The following MALRD1 variants were observed in gnomAD, a reference collection of about 807,000 sequenced individuals.
The protein encoded by MALRD1 is MAM and LDL-receptor class A domain-containing protein 1.
MALRD1 carries 247 observed loss-of-function variants against 242.1 expected under a neutral mutation model. The observed-to-expected ratio is 1.02, with a 90% CI of 0.92 to 1.13. The LOEUF (loss-of-function observed/expected upper bound fraction) is 1.13. Among genes scored for constraint, MALRD1 ranks in the 50% most tolerant of loss-of-function variants. The pLI is 0.00. For synonymous variants in MALRD1, 995 were observed against 866.6 expected (o/e 1.15, Z -2.60); for missense variants, 2,989 against 2,533.1 (o/e 1.18, Z -3.86).
In MALRD1 at chr10:19,348,027, A is replaced by G; in HGVS notation, c.4149+9A>G. ...GAAGCAAAAACTGCAAGGTATGGGG[A>G]AAATCGAACCAACCAACCAAACAAA... On this transcript the variant is annotated intron_variant, in intron 25 of 39. Coordinates refer to ENST00000454679, the MANE Select transcript of MALRD1 (RefSeq NM_001142308.3). The G allele has an allele frequency of 6.5e-7, 1 of 1,547,344 alleles. No homozygotes were observed. Among genetic ancestry groups the G allele is most frequent in the Non-Finnish European group, 8.7e-7 (1 of 1,145,100 alleles).
At chr10:19,556,262 G>C (rs1367176805) in intron 32 of MALRD1, among the ~76,000 whole-genome samples, 2 of 152,008 alleles carry the variant, frequency 1.3e-5, no homozygotes, top group Non-Finnish European at 2.9e-5. Flanking sequence ...TGGAACATTA[G>C]TTACAATTGA....
rs1554823253 is a variant in MALRD1, at chr10:19,270,838, A to ACACACG, written c.3080-9203_3080-9198dup. On this transcript the variant is annotated intron_variant, in intron 19 of 39. Coordinates refer to ENST00000454679, the MANE Select transcript of MALRD1 (RefSeq NM_001142308.3). ...CACACACACACACACACACACACAC[A>ACACACG]CACACGCACACACAAAATAATATTA... 1.7e-3 allele frequency among the ~76,000 whole-genome samples: 253 copies of ACACACG among 151,612 alleles called. 3 individuals are homozygous for ACACACG. In the South Asian group the frequency reaches 0.02, roughly 12 times the overall value.
chr10:19,409,203 C>A (rs11009797), intron 28 of MALRD1, among the ~76,000 whole-genome samples: 5,404 of 152,244 alleles, frequency 0.035, 127 homozygotes, highest in Non-Finnish European at 0.052. Context: ...ACTAAAAAAT[C>A]AGATTGACTG....
chr10:19,228,999 T>A (rs1247808113), intron 18 of MALRD1, among the ~76,000 whole-genome samples: 1 of 152,048 alleles, frequency 6.6e-6, no homozygotes, highest in Non-Finnish European at 1.5e-5. Context: ...TGTGTGTGTG[T>A]GTGTAAGTGT....
At chr10:19,575,882 T>A (rs1475296341) in intron 33 of MALRD1, among the ~76,000 whole-genome samples, 5 of 152,152 alleles carry the variant, frequency 3.3e-5, no homozygotes, top group Non-Finnish European at 7.4e-5. Flanking sequence ...TATATCTAAT[T>A]TACTCACACA....
chr10:19,183,077 GCAAACGACCTCCAGTTCT>G (rs1325727355), intron 14 of MALRD1, among the ~76,000 whole-genome samples: 2 of 148,742 alleles, frequency 1.3e-5, no homozygotes, highest in East Asian at 3.9e-4. Flanking sequence ...TAGAAAATTA[GCAAACGACCTCCAGTTCT>G]CTAAAGTCTT....
At chr10:19,654,166 A>G (rs1272447109) in intron 36 of MALRD1, among the ~76,000 whole-genome samples, 4 of 152,220 alleles carry the variant, frequency 2.6e-5, no homozygotes, top group Non-Finnish European at 5.9e-5. Context: ...AAGCACTGCC[A>G]TCTACCTGGC....
chr10:19,101,316 G>T (rs1042449484), intron 4 of MALRD1, among the ~76,000 whole-genome samples: 25 of 143,670 alleles, frequency 1.7e-4, no homozygotes, highest in Non-Finnish European at 3.2e-4. Flanking sequence ...ATTATAAATA[G>T]ATATTTTGAA....
At chr10:19,186,514 C>G (rs1251606902) in intron 14 of MALRD1, among the ~76,000 whole-genome samples, 4 of 152,172 alleles carry the variant, frequency 2.6e-5, no homozygotes, top group Admixed American at 6.5e-5. Context: ...TAGGAGAATT[C>G]AGGATAGTAG....
At chr10:19,684,641 G>C (rs981419614) in intron 36 of MALRD1, among the ~76,000 whole-genome samples, 2 of 152,118 alleles carry the variant, frequency 1.3e-5, no homozygotes, top group Non-Finnish European at 2.9e-5. Context: ...AGTCTCAGCT[G>C]CTCAGAAGGC....
intron 21 of MALRD1, among the ~76,000 whole-genome samples, chr10:19,305,920 AT>A (rs1375910035): frequency 7.6e-6 from 1 of 130,782 alleles, no homozygotes; most frequent in Non-Finnish European, 1.6e-5. Context: ...TATATTATAT[AT>A]TATATGTACT....
intron 31 of MALRD1, among the ~76,000 whole-genome samples, chr10:19,515,176 T>C (rs956581567): frequency 2.0e-5 from 3 of 152,196 alleles, no homozygotes; most frequent in Non-Finnish European, 4.4e-5. Flanking sequence ...CATCTTTATA[T>C]ACTTGGATTT....
chr10:19,682,605 A>T (rs1403409566), intron 36 of MALRD1, among the ~76,000 whole-genome samples: 3 of 152,214 alleles, frequency 2.0e-5, no homozygotes, highest in African/African-American at 4.8e-5. Flanking sequence ...TGTGGAAGAA[A>T]TTAGTCCAAG....
intron 29 of MALRD1, among the ~76,000 whole-genome samples, chr10:19,476,826 T>C (rs1836759256): frequency 6.6e-6 from 1 of 152,202 alleles, no homozygotes; most frequent in South Asian, 2.1e-4. Context: ...CATAGAAGAT[T>C]CGTGAGTCTT....
chr10:19,121,988 G>C (rs1017284178), intron 5 of MALRD1, among the ~76,000 whole-genome samples: 6 of 152,206 alleles, frequency 3.9e-5, no homozygotes, highest in African/African-American at 1.4e-4. Flanking sequence ...AGTCATTTCA[G>C]TCTGCATGAT....
At chr10:19,533,928 G>A (rs1023417990) in intron 32 of MALRD1, among the ~76,000 whole-genome samples, 2 of 152,208 alleles carry the variant, frequency 1.3e-5, no homozygotes, top group African/African-American at 4.8e-5. Flanking sequence ...AGCATTTAAT[G>A]CAGAGGAAGA....
At position 19,155,171 on chromosome 10, in the gene MALRD1, A is replaced by G; in HGVS notation, c.1655A>G (p.Gln552Arg). ...TTGCTCACTGCCTCTACCCCATGTC[A>G]GGTAATCAACTGTTCTGAATTTCCA... ...TKLLTASTPCQVQFWYHLSQH... is the reference protein window; with the variant it reads ...TKLLTASTPCRVQFWYHLSQH... The change falls in exon 12 of 40, where the codon CAG (glutamine) becomes CGG (arginine). Residue 552 changes from glutamine (Q) to arginine (R), a missense_variant and splice_region_variant. Coordinates refer to ENST00000454679, the MANE Select transcript of MALRD1 (RefSeq NM_001142308.3). The G allele has an allele frequency of 8.1e-7, 1 of 1,230,806 alleles. No individual in the cohort carries two copies. The highest frequency in any genetic ancestry group is 1.0e-6 in the Non-Finnish European group (1 of 987,198). 76.2% of individuals were successfully genotyped at this position (1,230,806 alleles called of 1,614,324 possible).
intron 27 of MALRD1, among the ~76,000 whole-genome samples, chr10:19,388,246 T>G (rs1846170446): frequency 6.6e-6 from 1 of 152,186 alleles, no homozygotes. Context: ...TTTAACCTGA[T>G]CATCAGCAAA....
intron 36 of MALRD1, among the ~76,000 whole-genome samples, chr10:19,638,101 C>CAAA (rs56865342): frequency 8.8e-4 from 37 of 41,910 alleles, no homozygotes; most frequent in East Asian, 3.0e-3. Context: ...AACTCACTCT[C>CAAA]AAAAAAAAAA....
Sources: gnomAD v4.1 joint callset for allele counts (sites outside exome capture counted in the v4.1 genomes callset) on GRCh38, gnomAD v4.1.1 for gene constraint, MANE v1.5 for transcripts, NCBI Gene and HGNC (gene_info 2026-07-23, HGNC 2026-07-21) for gene names.